The following TLN2 variants were observed in gnomAD, a reference collection of about 807,000 sequenced individuals.
The protein encoded by TLN2 is talin 2.
TLN2 carries 118 observed loss-of-function variants against 294.7 expected under a neutral mutation model. The observed-to-expected ratio is 0.40, with a 90% CI of 0.34 to 0.47. The LOEUF (loss-of-function observed/expected upper bound fraction) is 0.47, where lower values mean the gene tolerates loss of function less well. TLN2 is among the 20% of genes least tolerant of loss of function. The pLI, the probability that TLN2 is intolerant of heterozygous loss-of-function variation, is 0.84. For synonymous variants in TLN2, 1,431 were observed against 1,304.5 expected, an observed-to-expected ratio of 1.10 and a Z score of -2.09; for missense variants, 3,083 against 3,282.2, an observed-to-expected ratio of 0.94 and a Z score of 1.48.
intron 22 of TLN2, among the ~76,000 whole-genome samples, chr15:62,713,471 G>C (rs1197144759): frequency 1.3e-5 from 2 of 151,954 alleles, no homozygotes; most frequent in Non-Finnish European, 2.9e-5. Flanking sequence ...CTGAGGTCAG[G>C]AGTTCAAGAC....
intron 9 of TLN2, among the ~76,000 whole-genome samples, chr15:62,669,718 G>C (rs2055168141): frequency 6.6e-6 from 1 of 152,162 alleles, no homozygotes; most frequent in South Asian, 2.1e-4. Context: ...GAACCTTCCA[G>C]ACTCAGGTTT....
chr15:62,628,053 A>G (rs568007789), intron 3 of TLN2, among the ~76,000 whole-genome samples: 1 of 152,382 alleles, frequency 6.6e-6, no homozygotes, highest in South Asian at 2.1e-4. Context: ...CTAGAGTCCC[A>G]ATATAGAAAT....
rs367614100 is a variant in TLN2, at chr15:62,598,454, A to G, written c.-162+8692A>G. Reference sequence around the variant, plus strand: ...GGGTGTGCCTTATGGCCAGGAGCTCATTCTAAAGAATTCTGCTGTGCGTGG... The same window carrying G: ...GGGTGTGCCTTATGGCCAGGAGCTCGTTCTAAAGAATTCTGCTGTGCGTGG... On this transcript the variant is annotated intron_variant, in intron 2 of 58. Transcript: ENST00000636159. Among the ~76,000 whole-genome samples the G allele has an allele frequency of 1.8e-4, 28 of 152,174 alleles. No homozygotes were observed. In the East Asian group the frequency reaches 3.5e-3, roughly 19 times the overall value.
At chr15:62,692,979 C>T in intron 13 of TLN2, 38 bp downstream of exon 13, 1 of 1,553,026 alleles carries the variant, frequency 6.4e-7, no homozygotes, top group Non-Finnish European at 8.8e-7. Flanking sequence ...AGCAAGACGG[C>T]TTTATTAAAA....
At chr15:62,583,709 C>G (rs1034735391) in intron 1 of TLN2, among the ~76,000 whole-genome samples, 2 of 152,152 alleles carry the variant, frequency 1.3e-5, no homozygotes, top group Admixed American at 1.3e-4. Flanking sequence ...TTTATTCATT[C>G]TTAGATTCAT....
At chr15:62,518,621 G>C (rs1254181468) in intron 1 of TLN2, among the ~76,000 whole-genome samples, 2 of 151,960 alleles carry the variant, frequency 1.3e-5, no homozygotes, top group Non-Finnish European at 2.9e-5. Context: ...TTTTGAGATG[G>C]AATTTTTGCT....
At chr15:62,732,209 T>C (rs551963898) in intron 28 of TLN2, among the ~76,000 whole-genome samples, 1 of 152,246 alleles carries the variant, frequency 6.6e-6, no homozygotes, top group East Asian at 1.9e-4. Context: ...GTGTAGATGA[T>C]GAAATGCATA....
chr15:62,450,177 G>T (rs1383764851), intron 1 of TLN2, among the ~76,000 whole-genome samples: 2 of 152,094 alleles, frequency 1.3e-5, no homozygotes, highest in Non-Finnish European at 2.9e-5. Context: ...TCACCTTGTG[G>T]CTTTTACTCA....
At chr15:62,705,972 A>G (rs2059036083) in intron 19 of TLN2, among the ~76,000 whole-genome samples, 1 of 152,198 alleles carries the variant, frequency 6.6e-6, no homozygotes, top group Non-Finnish European at 1.5e-5. Context: ...GTTTAGCTGG[A>G]TTGTATCTAG....
intron 2 of TLN2, among the ~76,000 whole-genome samples, chr15:62,591,075 T>C (rs2046040947): frequency 6.6e-6 from 1 of 152,184 alleles, no homozygotes; most frequent in African/African-American, 2.4e-5. Context: ...TCTTTGTATT[T>C]TGTGTGTGGA....
intron 1 of TLN2, among the ~76,000 whole-genome samples, chr15:62,472,292 C>T (rs1243630048): frequency 6.6e-6 from 1 of 152,198 alleles, no homozygotes; most frequent in Non-Finnish European, 1.5e-5. Flanking sequence ...TCCCAGCCTT[C>T]GAGATGACTC....
intron 41 of TLN2, 152 bp downstream of exon 41, chr15:62,766,574 AC>A: frequency 1.6e-6 from 1 of 636,556 alleles, no homozygotes. Flanking sequence ...ATAACACTGA[AC>A]CTCTCTCTGG....
Position 62,686,808 on chromosome 15 carries a change from C to G in TLN2, c.1113+12C>G, listed in dbSNP as rs1445904114. ...AGAGCTTCACACTGGTAGGGACTGG[C>G]AGAGGGCAAGGAGAGCACTAGCGTG... On this transcript the variant is annotated intron_variant, in intron 12 of 58. Coordinates refer to ENST00000636159, the MANE Select transcript of TLN2 (RefSeq NM_015059.3). 6.2e-7 allele frequency: 1 copy of G among 1,612,284 alleles called. No homozygotes were observed. The highest frequency in any genetic ancestry group is 1.1e-5 in the South Asian group (1 of 90,974).
intron 1 of TLN2, among the ~76,000 whole-genome samples, chr15:62,491,347 T>TACACAC (rs1345830691): frequency 5.0e-4 from 41 of 82,298 alleles, no homozygotes; most frequent in African/African-American, 1.6e-3. Context: ...AATATATATA[T>TACACAC]ATATACACAC....
At chr15:62,735,788 C>T (rs189123796) in intron 28 of TLN2, among the ~76,000 whole-genome samples, 16 of 152,268 alleles carry the variant, frequency 1.1e-4, no homozygotes, top group Admixed American at 2.6e-4. Flanking sequence ...TAAGAACTTT[C>T]TTGTTAGATT....
At chr15:62,492,389 T>A (rs912331495) in intron 1 of TLN2, among the ~76,000 whole-genome samples, 2 of 151,904 alleles carry the variant, frequency 1.3e-5, no homozygotes, top group Non-Finnish European at 2.9e-5. Context: ...AAACCCCGTC[T>A]CTAATAAAAA....
At chr15:62,543,886 G>T (rs1261952254) in intron 1 of TLN2, among the ~76,000 whole-genome samples, 1 of 152,118 alleles carries the variant, frequency 6.6e-6, no homozygotes, top group East Asian at 1.9e-4. Flanking sequence ...ACAATGGGGA[G>T]CTGTGAGAGC....
At chr15:62,628,712 C>G (rs749604142) in intron 3 of TLN2, among the ~76,000 whole-genome samples, 9 of 152,164 alleles carry the variant, frequency 5.9e-5, no homozygotes, top group Non-Finnish European at 1.0e-4. Flanking sequence ...GCTGGCAAAA[C>G]CGGAGCAGAC....
intron 19 of TLN2, among the ~76,000 whole-genome samples, chr15:62,703,734 A>G (rs971353810): frequency 6.6e-6 from 1 of 152,074 alleles, no homozygotes; most frequent in Non-Finnish European, 1.5e-5. Flanking sequence ...GTGGCAGGGA[A>G]GTCTTTTTTG....
Sources: allele counts gnomAD v4.1 joint callset (sites outside exome capture counted in the v4.1 genomes callset), GRCh38; gene constraint gnomAD v4.1.1; transcripts MANE v1.5; gene names NCBI Gene and HGNC (gene_info 2026-07-23, HGNC 2026-07-21).